ATP9A: variants seen among roughly 807,000 people sequenced by gnomAD.
ATP9A encodes probable phospholipid-transporting ATPase IIA.
Under a neutral mutation model 144.1 loss-of-function variants are expected in ATP9A, and 52 were observed. That is an observed-to-expected ratio of 0.36 (90% CI 0.29 to 0.45). The LOEUF is 0.45. ATP9A is among the 20% of genes least tolerant of loss of function. The pLI is 1.00. For synonymous variants in ATP9A, 582 were observed against 557.4 expected (o/e 1.04, Z -0.62); for missense variants, 947 against 1,392.7 (o/e 0.68, Z 5.09).
intron 13 of ATP9A, among the ~76,000 whole-genome samples, chr20:51,661,526 CTTTTT>C (rs533280164): frequency 0.049 from 5,281 of 108,672 alleles, 133 homozygotes; most frequent in Non-Finnish European, 0.063. Context: ...CCATGCCCAG[CTTTTT>C]TTTTTTTTTT....
intron 13 of ATP9A, among the ~76,000 whole-genome samples, chr20:51,669,634 T>G (rs1365040124): frequency 5.9e-5 from 9 of 152,180 alleles, no homozygotes; most frequent in Non-Finnish European, 1.2e-4. Flanking sequence ...GGCATATAAT[T>G]TTCTCACAGG....
chr20:51,765,600 C>A (rs1421221683), intron 1 of ATP9A, among the ~76,000 whole-genome samples: 2 of 143,336 alleles, frequency 1.4e-5, no homozygotes, highest in African/African-American at 5.1e-5. Flanking sequence ...TGCAGTGAGC[C>A]GAGATCGTGC....
chr20:51,636,846 T>G (rs2122742315), intron 15 of ATP9A, among the ~76,000 whole-genome samples: 1 of 152,342 alleles, frequency 6.6e-6, no homozygotes, highest in Middle Eastern at 3.4e-3. Flanking sequence ...TCCCAACACT[T>G]TGGGAGGCCA....
At chr20:51,728,287 G>GGGGGA (rs1400652232) in intron 2 of ATP9A, among the ~76,000 whole-genome samples, 1 of 152,090 alleles carries the variant, frequency 6.6e-6, no homozygotes, top group Admixed American at 6.6e-5. Flanking sequence ...CTGAGAGTTG[G>GGGGGA]GGGGAGTTGA....
intron 14 of ATP9A, among the ~76,000 whole-genome samples, chr20:51,642,093 C>T (rs1333321000): frequency 6.6e-6 from 1 of 151,992 alleles, no homozygotes; most frequent in Non-Finnish European, 1.5e-5. Context: ...GGAAGCCCTC[C>T]TGTATTCCTT....
intron 24 of ATP9A, among the ~76,000 whole-genome samples, chr20:51,609,201 G>T (rs575648764): frequency 6.6e-6 from 1 of 152,122 alleles, no homozygotes; most frequent in Admixed American, 6.5e-5. Context: ...ACCAGACCAC[G>T]GAAGGTCGCA....
At chr20:51,619,170 C>G in intron 19 of ATP9A, 127 bp from the exon 20 acceptor site, 1 of 706,480 alleles carries the variant, frequency 1.4e-6, no homozygotes, top group Non-Finnish European at 2.4e-6. Context: ...CCCTCCCCTG[C>G]CACCAGAGGC....
chr20:51,637,760 A>C (rs1297332073), intron 15 of ATP9A, among the ~76,000 whole-genome samples: 1 of 151,178 alleles, frequency 6.6e-6, no homozygotes, highest in Non-Finnish European at 1.5e-5. Context: ...TATATGAGTA[A>C]GTTTTTTAAC....
chr20:51,621,195 T>C (rs2077225637), intron 19 of ATP9A, among the ~76,000 whole-genome samples: 1 of 150,102 alleles, frequency 6.7e-6, no homozygotes, highest in Non-Finnish European at 1.5e-5. Flanking sequence ...CGTATGACAG[T>C]GAAAATATCA....
intron 11 of ATP9A, among the ~76,000 whole-genome samples, chr20:51,672,797 ACTG>A (rs1179432026): frequency 5.9e-5 from 9 of 152,322 alleles, no homozygotes; most frequent in African/African-American, 2.2e-4. Flanking sequence ...GGGAAAGTAG[ACTG>A]CTAACCCACA....
intron 13 of ATP9A, among the ~76,000 whole-genome samples, chr20:51,667,700 G>A (rs925348620): frequency 2.6e-5 from 4 of 152,042 alleles, no homozygotes; most frequent in Non-Finnish European, 2.9e-5. Flanking sequence ...AGGGGGTCAC[G>A]GCAGACAGGC....
At chr20:51,683,306 C>T (rs2077508406) in intron 9 of ATP9A, among the ~76,000 whole-genome samples, 1 of 151,934 alleles carries the variant, frequency 6.6e-6, no homozygotes, top group South Asian at 2.1e-4. Context: ...GCTCTGTCGC[C>T]CAGGCTGGAG....
chr20:51,624,891 G>T (rs2077241495), intron 18 of ATP9A, among the ~76,000 whole-genome samples: 1 of 151,420 alleles, frequency 6.6e-6, no homozygotes, highest in Admixed American at 6.6e-5. Flanking sequence ...TGTAATCCCA[G>T]CTACTAGGGA....
chr20:51,667,399 C>T (rs191033379), intron 13 of ATP9A, among the ~76,000 whole-genome samples: 150 of 152,264 alleles, frequency 9.9e-4, no homozygotes, highest in African/African-American at 3.5e-3. Context: ...GAAGGGGCTG[C>T]GAGTGATACA....
chr20:51,708,555 C>A (rs1487262756), intron 4 of ATP9A, among the ~76,000 whole-genome samples: 1 of 151,658 alleles, frequency 6.6e-6, no homozygotes, highest in Non-Finnish European at 1.5e-5. Context: ...GCCAATATGG[C>A]GAAACCTCGT....
At chr20:51,669,922 G>T in intron 13 of ATP9A, 75 bp downstream of exon 13, 2 of 1,008,152 alleles carry the variant, frequency 2.0e-6, no homozygotes, top group Non-Finnish European at 1.6e-6. Context: ...ACGGTATTGT[G>T]AATTACATCT....
At chr20:51,685,581 A>AGAAAG (rs1555836638) in intron 9 of ATP9A, among the ~76,000 whole-genome samples, 3 of 150,090 alleles carry the variant, frequency 2.0e-5, no homozygotes, top group Non-Finnish European at 4.4e-5. Context: ...AAAGAAAAGA[A>AGAAAG]AAAAGAAAAG....
chr20:51,701,868 T>A (rs1261930023), intron 4 of ATP9A, among the ~76,000 whole-genome samples: 1 of 152,138 alleles, frequency 6.6e-6, no homozygotes, highest in African/African-American at 2.4e-5. Context: ...CTTTTGGTGA[T>A]CAAAAACACG....
intron 1 of ATP9A, among the ~76,000 whole-genome samples, chr20:51,731,292 C>T (rs2077740083): frequency 6.6e-6 from 1 of 151,658 alleles, no homozygotes; most frequent in South Asian, 2.1e-4. Flanking sequence ...GAGCGAGACT[C>T]CGTCTCAAAT....
Sources: gnomAD v4.1 joint callset for allele counts (sites outside exome capture counted in the v4.1 genomes callset) on GRCh38, gnomAD v4.1.1 for gene constraint, MANE v1.5 for transcripts, NCBI Gene and HGNC (gene_info 2026-07-23, HGNC 2026-07-21) for gene names.